LRRC3B: variants seen among roughly 807,000 people sequenced by gnomAD.
LRRC3B encodes the protein leucine-rich repeat-containing protein 3B.
A neutral mutation model predicts 12.8 loss-of-function variants in LRRC3B; 2 were observed. That is an observed-to-expected ratio of 0.16 (90% CI 0.06 to 0.49). The LOEUF (loss-of-function observed/expected upper bound fraction) is 0.49. LRRC3B is among the 20% of genes least tolerant of loss of function. The pLI is 0.96. For missense variants in LRRC3B, 189 were observed against 319.4 expected, an observed-to-expected ratio of 0.59 and a Z score of 3.11; for synonymous variants, 132 against 122.0, an observed-to-expected ratio of 1.08 and a Z score of -0.54.
intron 1 of LRRC3B, among the ~76,000 whole-genome samples, chr3:26,636,278 C>G (rs544393787): frequency 1.5e-4 from 23 of 152,080 alleles, no homozygotes; most frequent in Admixed American, 3.3e-4. Context: ...TTCTAAGGTG[C>G]CTTTTAATTT....
chr3:26,625,782 C>G (rs1698611469), intron 1 of LRRC3B, among the ~76,000 whole-genome samples: 2 of 152,312 alleles, frequency 1.3e-5, no homozygotes, highest in South Asian at 4.1e-4. Context: ...GGAGTTCTTA[C>G]TATGTGCCAG....
chr3:26,631,116 AG>A (rs1393654314), intron 1 of LRRC3B, among the ~76,000 whole-genome samples: 1 of 152,198 alleles, frequency 6.6e-6, no homozygotes, highest in African/African-American at 2.4e-5. Context: ...ATCCTTTATC[AG>A]GGCCACAACC....
At position 26,637,344 on chromosome 3, in the gene LRRC3B, A is replaced by G. The variant is rs142204051; in HGVS notation, c.-161+14107A>G. Reference sequence around the variant, plus strand: ...ATTAGTGGTAATTTATGGAGTTACCATGAAGTTGTTGTTTGCTTCTCAACC... The same window carrying G: ...ATTAGTGGTAATTTATGGAGTTACCGTGAAGTTGTTGTTTGCTTCTCAACC... On this transcript the variant is annotated intron_variant, in intron 1 of 1. Transcript: ENST00000396641. Among the ~76,000 whole-genome samples the G allele has an allele frequency of 2.9e-3, 448 of 152,306 alleles. 3 individuals carry two copies. Among genetic ancestry groups the G allele is most frequent in the Non-Finnish European group, 4.9e-3 (331 of 68,030 alleles).
intron 1 of LRRC3B, among the ~76,000 whole-genome samples, chr3:26,636,920 T>TTC (rs1376957919): frequency 2.2e-5 from 1 of 46,172 alleles, no homozygotes; most frequent in African/African-American, 1.8e-4. Flanking sequence ...CTTTCTCTCT[T>TTC]TCTTTCTTTC....
At chr3:26,631,562 T>C (rs1398071140) in intron 1 of LRRC3B, among the ~76,000 whole-genome samples, 1 of 152,188 alleles carries the variant, frequency 6.6e-6, no homozygotes, top group Non-Finnish European at 1.5e-5. Flanking sequence ...TGGCTCATGT[T>C]ATCCAGTGTT....
chr3:26,695,756 A>T (rs1261118504), intron 1 of LRRC3B, among the ~76,000 whole-genome samples: 3 of 152,186 alleles, frequency 2.0e-5, no homozygotes, highest in Middle Eastern at 3.2e-3. Context: ...TATATTTTTG[A>T]CCAAAAAGTA....
chr3:26,685,939 G>T (rs921303107), intron 1 of LRRC3B, among the ~76,000 whole-genome samples: 7 of 152,100 alleles, frequency 4.6e-5, no homozygotes, highest in African/African-American at 1.7e-4. Context: ...GATTCTATTG[G>T]CAGTAGCTAC....
intron 1 of LRRC3B, among the ~76,000 whole-genome samples, chr3:26,659,295 G>A (rs1328450166): frequency 6.6e-6 from 1 of 152,162 alleles, no homozygotes; most frequent in Non-Finnish European, 1.5e-5. Flanking sequence ...TTCTTACCAT[G>A]CTCACATATG....
intron 1 of LRRC3B, among the ~76,000 whole-genome samples, chr3:26,635,536 G>A (rs906345295): frequency 2.6e-5 from 4 of 151,998 alleles, no homozygotes; most frequent in Non-Finnish European, 4.4e-5. Flanking sequence ...GGCCATGTGA[G>A]GACACAGTGA....
rs142200797 is a variant in LRRC3B, at chr3:26,709,591, A to G, written c.-82A>G. ...TTTGAAACACGCAAGAAGGAAATCA[A>G]TAGTGTGGACAGGGCTGGAACCTTT... On this transcript the variant is annotated 5_prime_UTR_variant, in exon 2 of 2. Transcript: ENST00000396641. 39 of 1,346,670 alleles carry G rather than the reference A, an allele frequency of 2.9e-5. No individual in the cohort carries two copies. In the East Asian group the frequency reaches 7.6e-4, roughly 26 times the overall value. 83.4% of individuals were successfully genotyped at this position (1,346,670 alleles called of 1,614,324 possible).
chr3:26,664,094 C>T (rs1342203584), intron 1 of LRRC3B, among the ~76,000 whole-genome samples: 1 of 152,130 alleles, frequency 6.6e-6, no homozygotes, highest in East Asian at 1.9e-4. Flanking sequence ...AATTTTTTCA[C>T]TTTATCATCT....
intron 1 of LRRC3B, among the ~76,000 whole-genome samples, chr3:26,709,087 A>G (rs1025107829): frequency 5.3e-5 from 8 of 152,222 alleles, no homozygotes; most frequent in Non-Finnish European, 1.2e-4. Context: ...GTCTATAGTC[A>G]TTAACCATGA....
At chr3:26,694,861 CTTTG>C (rs892238898) in intron 1 of LRRC3B, 37 of 152,152 alleles carry the variant, frequency 2.4e-4, no homozygotes, top group African/African-American at 6.8e-4. Context: ...TGGCCAATCT[CTTTG>C]TTTGTTGCTT....
intron 1 of LRRC3B, among the ~76,000 whole-genome samples, chr3:26,636,972 T>TTCTTTCTTTCTCTC (rs1559350466): frequency 1.3e-5 from 1 of 76,104 alleles, no homozygotes; most frequent in African/African-American, 5.0e-5. Flanking sequence ...CTTTCTTTCT[T>TTCTTTCTTTCTCTC]TCTCTCTCTC....
At chr3:26,638,404 G>A (rs1698948173) in intron 1 of LRRC3B, among the ~76,000 whole-genome samples, 1 of 151,986 alleles carries the variant, frequency 6.6e-6, no homozygotes, top group African/African-American at 2.4e-5. Context: ...TCAATTAAGG[G>A]TCAACGGAAA....
chr3:26,670,491 C>T (rs550477882), intron 1 of LRRC3B, among the ~76,000 whole-genome samples: 8 of 152,066 alleles, frequency 5.3e-5, no homozygotes, highest in African/African-American at 1.2e-4. Context: ...TTCTGAGCAC[C>T]GGGTTTTTTA....
chr3:26,636,888 TTC>T (rs376737167), intron 1 of LRRC3B, among the ~76,000 whole-genome samples: 2,354 of 70,846 alleles, frequency 0.033, 357 homozygotes, highest in African/African-American at 0.12. Flanking sequence ...CTTCCTTCCT[TTC>T]TCTCTCTCTC....
rs1261897533 is a variant in LRRC3B, at chr3:26,671,373, T to TATAGAGAGAGAGAGAGAGAG, written c.-160-38139_-160-38138insTAGAGAGAGAGAGAGAGAGA. On this transcript the variant is annotated intron_variant, in intron 1 of 1. Transcript: ENST00000396641. ...GTGTATATATATATATATATATATA[T>TATAGAGAGAGAGAGAGAGAG]AGAGAGAGAGAGAGAGAGAGAGAGA... is the stretch of plus-strand genomic sequence containing the variant. Among the ~76,000 whole-genome samples the TATAGAGAGAGAGAGAGAGAG allele has an allele frequency of 1.7e-3, 49 of 28,252 alleles. 1 individual carries two copies. Among genetic ancestry groups the TATAGAGAGAGAGAGAGAGAG allele is most frequent in the East Asian group, 2.5e-3 (1 of 398 alleles). The allele number at this position is 28,252 out of a possible 152,430, so 18.5% of individuals were successfully genotyped here. A position where few individuals can be genotyped will look rare whatever the true frequency, so the allele number is the denominator to read the frequency against.
At chr3:26,644,377 A>C (rs944412909) in intron 1 of LRRC3B, among the ~76,000 whole-genome samples, 1 of 152,204 alleles carries the variant, frequency 6.6e-6, no homozygotes, top group African/African-American at 2.4e-5. Context: ...TCAGCCTAAA[A>C]ATTCCTTTGA....
Sources: allele counts gnomAD v4.1 joint callset (sites outside exome capture counted in the v4.1 genomes callset), GRCh38; gene constraint gnomAD v4.1.1; transcripts MANE v1.5; gene names NCBI Gene and HGNC (gene_info 2026-07-23, HGNC 2026-07-21).